The following KLHL32 variants were observed in gnomAD, a reference collection of about 807,000 sequenced individuals.
KLHL32 encodes kelch like family member 32, also known as kelch-like protein 32.
KLHL32 carries 35 observed loss-of-function variants against 64.8 expected under a neutral mutation model. The ratio of observed to expected loss-of-function variants is 0.54; its 90% CI spans 0.41 to 0.72. The LOEUF is 0.72. Ranked by LOEUF, KLHL32 falls within the 30% of genes least tolerant of loss-of-function variation. The probability of loss-of-function intolerance (pLI) is 0.00; values close to 1 mark genes in which losing one functional copy is unlikely to be tolerated. For synonymous variants in KLHL32, 259 were observed against 281.0 expected, an observed-to-expected ratio of 0.92 and a Z score of 0.78; for missense variants, 589 against 768.5, an observed-to-expected ratio of 0.77 and a Z score of 2.76.
intron 1 of KLHL32, among the ~76,000 whole-genome samples, chr6:96,933,234 C>T (rs78301355): frequency 1.2e-3 from 180 of 152,292 alleles, no homozygotes; most frequent in African/African-American, 4.1e-3. Flanking sequence ...CCCCTCAAAA[C>T]ACGTGCCTTG....
chr6:97,036,827 G>A (rs1221813495), intron 3 of KLHL32, among the ~76,000 whole-genome samples: 1 of 152,214 alleles, frequency 6.6e-6, no homozygotes, highest in Admixed American at 6.5e-5. Context: ...GCAAGGCATG[G>A]GCTCCAGGCA....
At chr6:97,103,894 C>A (rs1376138091) in intron 6 of KLHL32, among the ~76,000 whole-genome samples, 1 of 152,184 alleles carries the variant, frequency 6.6e-6, no homozygotes, top group African/African-American at 2.4e-5. Flanking sequence ...TTAGAGAATT[C>A]TACTTTAAAA....
chr6:97,009,356 C>T (rs1036777007), intron 3 of KLHL32, among the ~76,000 whole-genome samples: 4 of 151,846 alleles, frequency 2.6e-5, no homozygotes, highest in East Asian at 1.9e-4. Context: ...AATAATTTTT[C>T]GCAAGGCTTT....
rs535103138 is a variant in KLHL32 at position 97,117,621 on chromosome 6, C to T, written c.1354+3112C>T. ...ATGTTAGAGTCGAATTGTACAGGCTCCTGTAGCGTTTGACATTGTGACCCA... is the reference window on the plus strand; with the variant it reads ...ATGTTAGAGTCGAATTGTACAGGCTTCTGTAGCGTTTGACATTGTGACCCA... On this transcript the variant is annotated intron_variant, in intron 7 of 10. Transcript: ENST00000369261. Among the ~76,000 whole-genome samples the T allele has an allele frequency of 9.2e-5, 14 of 152,254 alleles. No homozygotes were observed. In the South Asian group the frequency reaches 2.3e-3, roughly 25 times the overall value.
chr6:96,974,769 C>T (rs1015954459), intron 2 of KLHL32, among the ~76,000 whole-genome samples: 2 of 152,244 alleles, frequency 1.3e-5, no homozygotes, highest in African/African-American at 4.8e-5. Flanking sequence ...AGAGCCCTGC[C>T]AAATAAACCC....
intron 1 of KLHL32, among the ~76,000 whole-genome samples, chr6:96,932,570 C>G (rs1177931228): frequency 2.2e-5 from 3 of 134,366 alleles, no homozygotes; most frequent in Admixed American, 2.2e-4. Context: ...AATTTCCCCC[C>G]CCCCCTTTTT....
At position 96,994,374 on chromosome 6, in the gene KLHL32, C is replaced by G. The variant is rs1249834065; in HGVS notation, c.204+18197C>G. On this transcript the variant is annotated intron_variant, in intron 3 of 10. Transcript: ENST00000369261. ...ATATTTTATAGTTCCATTTATATTT[C>G]AATTCTTAATATCCGGAAAATAAAA... The G allele has an allele frequency of 9.1e-6, 4 of 437,838 alleles. No individual in the cohort carries two copies. The South Asian group carries it at 3.0e-4, about 33-fold the overall frequency. The allele number at this position is 437,838 out of a possible 1,614,324, so 27.1% of individuals were successfully genotyped here.
intron 10 of KLHL32, among the ~76,000 whole-genome samples, chr6:97,135,294 T>C (rs1421351048): frequency 7.0e-6 from 1 of 142,750 alleles, no homozygotes; most frequent in African/African-American, 2.7e-5. Flanking sequence ...CAGACAAATT[T>C]GTTAATTTTT....
rs577958776 is a variant in KLHL32 at position 97,117,097 on chromosome 6, AAATC to A, written c.1354+2592_1354+2595del. On this transcript the variant is annotated intron_variant, in intron 7 of 10. Coordinates refer to ENST00000369261, the MANE Select transcript of KLHL32 (RefSeq NM_052904.4). ...TCTTTCCTCAGGCCCAGCTTATAAT[AAATC>A]AATTGTGAATCTAAACATGAATAGG... Among the ~76,000 whole-genome samples the A allele has an allele frequency of 2.6e-5, 4 of 152,202 alleles. No homozygotes were observed. In the South Asian group the frequency reaches 8.3e-4, roughly 32 times the overall value.
chr6:96,922,836 G>A (rs1768793908), upstream of KLHL32, among the ~76,000 whole-genome samples: 1 of 152,114 alleles, frequency 6.6e-6, no homozygotes, highest in Non-Finnish European at 1.5e-5. Flanking sequence ...ATAAACTAAT[G>A]TCTCTTATTT....
At chr6:97,131,268 G>C (rs530167401) in intron 9 of KLHL32, among the ~76,000 whole-genome samples, 2 of 152,226 alleles carry the variant, frequency 1.3e-5, no homozygotes, top group East Asian at 3.9e-4. Flanking sequence ...AGACACTGAA[G>C]GATTTAATAA....
chr6:97,056,414 G>A (rs1053598792), intron 4 of KLHL32, among the ~76,000 whole-genome samples: 1 of 152,000 alleles, frequency 6.6e-6, no homozygotes, highest in Non-Finnish European at 1.5e-5. Flanking sequence ...CCACCAGCCT[G>A]CCTATTCTCT....
chr6:97,012,543 T>C (rs1176485610), intron 3 of KLHL32, among the ~76,000 whole-genome samples: 1 of 152,162 alleles, frequency 6.6e-6, no homozygotes, highest in African/African-American at 2.4e-5. Context: ...AACTATAAAA[T>C]AGATTTGTGT....
the KLHL32 span, among the ~76,000 whole-genome samples, chr6:96,915,617 C>A: frequency 1.3e-5 from 2 of 149,156 alleles, no homozygotes; most frequent in Non-Finnish European, 3.0e-5. Context: ...AATTTCTTGG[C>A]AAATTCAATA....
At chr6:96,904,246 G>C in the KLHL32 span, among the ~76,000 whole-genome samples, 1 of 150,938 alleles carries the variant, frequency 6.6e-6, no homozygotes, top group African/African-American at 2.4e-5. Context: ...GGAGGCTGAG[G>C]CACAAGAATA....
At chr6:97,103,764 T>C (rs1175140862) in intron 6 of KLHL32, among the ~76,000 whole-genome samples, 1 of 77,146 alleles carries the variant, frequency 1.3e-5, no homozygotes, top group African/African-American at 4.4e-5. Flanking sequence ...CACAGAATTA[T>C]AGACAAAAAA....
At chr6:96,954,939 A>G (rs1305725669) in intron 1 of KLHL32, among the ~76,000 whole-genome samples, 1 of 152,200 alleles carries the variant, frequency 6.6e-6, no homozygotes. Context: ...CAACAAGTAT[A>G]TTTCTCACAA....
At chr6:97,078,384 C>T (rs903810438) in intron 5 of KLHL32, among the ~76,000 whole-genome samples, 2 of 152,006 alleles carry the variant, frequency 1.3e-5, no homozygotes, top group South Asian at 2.1e-4. Context: ...GGTGACATTT[C>T]GAAGGAGAGT....
intron 1 of KLHL32, among the ~76,000 whole-genome samples, chr6:96,960,731 T>C (rs1028672841): frequency 1.3e-5 from 2 of 152,190 alleles, no homozygotes; most frequent in Admixed American, 1.3e-4. Context: ...TTATACATTT[T>C]AGGGAGACAT....
Sources: gnomAD v4.1 joint callset for allele counts (sites outside exome capture counted in the v4.1 genomes callset) on GRCh38, gnomAD v4.1.1 for gene constraint, MANE v1.5 for transcripts, NCBI Gene and HGNC (gene_info 2026-07-23, HGNC 2026-07-21) for gene names.